The following WDR72 variants were observed in gnomAD, a reference collection of about 807,000 sequenced individuals.
The protein encoded by WDR72 is WD repeat domain 72.
In WDR72, 120 loss-of-function variants were observed where a neutral mutation model predicts 124.2. The ratio of observed to expected loss-of-function variants is 0.97; its 90% CI spans 0.83 to 1.12. The LOEUF is 1.12. Ranked by LOEUF, WDR72 falls within the 50% of genes most tolerant of loss-of-function variation. The pLI is 0.00. For missense variants in WDR72, 1,387 were observed against 1,278.8 expected (o/e 1.08, Z -1.29); for synonymous variants, 452 against 441.7 (o/e 1.02, Z -0.29).
intron 18 of WDR72, among the ~76,000 whole-genome samples, chr15:53,524,132 T>C (rs1430050996): frequency 6.6e-6 from 1 of 152,018 alleles, no homozygotes; most frequent in Non-Finnish European, 1.5e-5. Context: ...TCAGAAAAAG[T>C]GGGCCTTGTC....
intron 13 of WDR72, among the ~76,000 whole-genome samples, chr15:53,692,636 G>T (rs2016880179): frequency 6.6e-6 from 1 of 152,138 alleles, no homozygotes; most frequent in Admixed American, 6.5e-5. Context: ...TGACAATTGT[G>T]TAAATATTTC....
At chr15:53,667,643 T>C (rs1172496392) in intron 13 of WDR72, among the ~76,000 whole-genome samples, 1 of 152,118 alleles carries the variant, frequency 6.6e-6, no homozygotes, top group South Asian at 2.1e-4. Flanking sequence ...TGTGGTAAAA[T>C]TCACTGTCTT....
chr15:53,639,507 TA>T (rs1174309368), intron 14 of WDR72, among the ~76,000 whole-genome samples: 24 of 145,432 alleles, frequency 1.7e-4, no homozygotes, highest in African/African-American at 2.0e-4. Context: ...TTTATAAAAT[TA>T]TATATAATTT....
At chr15:53,673,953 T>A (rs1348271571) in intron 13 of WDR72, among the ~76,000 whole-genome samples, 5 of 151,900 alleles carry the variant, frequency 3.3e-5, no homozygotes, top group African/African-American at 7.3e-5. Context: ...ATCGCGCCAT[T>A]GCACTCCAGC....
At chr15:53,739,845 G>A (rs532681985) in intron 1 of WDR72, among the ~76,000 whole-genome samples, 1 of 152,240 alleles carries the variant, frequency 6.6e-6, no homozygotes, top group East Asian at 1.9e-4. Flanking sequence ...AAAGGAAACT[G>A]GGCATTTTTT....
At chr15:53,556,437 A>G (rs1893935416) in intron 18 of WDR72, among the ~76,000 whole-genome samples, 1 of 152,054 alleles carries the variant, frequency 6.6e-6, no homozygotes, top group Non-Finnish European at 1.5e-5. Context: ...CAGACTGCCT[A>G]TAGTAGGGTC....
In WDR72 at chr15:53,557,659, G is replaced by A. The variant is rs185327567; in HGVS notation, c.3149-34337C>T. Among the ~76,000 whole-genome samples the A allele has an allele frequency of 2.8e-4, 43 of 151,916 alleles. 1 individual carries two copies. The highest frequency in any genetic ancestry group is 9.4e-4 in the African/African-American group (39 of 41,448). ...GGCTGAGGTCAAGAGAGATCAGCCC[G>A]TGAGCCTGGAAAAGTGACCACCGAC... On this transcript the variant is annotated intron_variant, in intron 18 of 19. Coordinates refer to ENST00000360509, the MANE Select transcript of WDR72 (RefSeq NM_182758.4).
At chr15:53,610,001 T>C (rs770426441) in intron 16 of WDR72, among the ~76,000 whole-genome samples, 20 of 152,154 alleles carry the variant, frequency 1.3e-4, no homozygotes, top group Non-Finnish European at 1.2e-4. Flanking sequence ...TCCTTCCTTA[T>C]ACAAATTCTG....
rs76633570 is a variant in WDR72 at position 53,612,310 on chromosome 15, T to C, written c.2872+1356A>G. On this transcript the variant is annotated intron_variant, in intron 16 of 19. Transcript: ENST00000360509. ...AACTTCTATGGAGCTTACAACTTAG[T>C]AGCAGGAGGCAGATGAGATTTTTTA... Among the ~76,000 whole-genome samples, 399 of 152,228 alleles carry C rather than the reference T, an allele frequency of 2.6e-3. 6 individuals are homozygous for C. The highest frequency in any genetic ancestry group is 9.1e-3 in the African/African-American group (380 of 41,548).
chr15:53,592,217 T>C (rs1023195514), intron 18 of WDR72, among the ~76,000 whole-genome samples: 5 of 152,062 alleles, frequency 3.3e-5, no homozygotes, highest in African/African-American at 1.2e-4. Context: ...ATTACTTCTC[T>C]GCTCCTTGAT....
At chr15:53,660,605 T>C (rs186657246) in intron 14 of WDR72, among the ~76,000 whole-genome samples, 59 of 152,278 alleles carry the variant, frequency 3.9e-4, no homozygotes, top group Non-Finnish European at 6.0e-4. Context: ...TAACCATATG[T>C]CTAGAAAGCT....
chr15:53,577,974 C>T (rs575040880), intron 18 of WDR72, among the ~76,000 whole-genome samples: 1 of 152,266 alleles, frequency 6.6e-6, no homozygotes, highest in South Asian at 2.1e-4. Flanking sequence ...CTATCCATAT[C>T]ATAGATTTCA....
intron 4 of WDR72, 53 bp from the exon 5 acceptor site, chr15:53,715,420 A>G (rs991625107): frequency 6.2e-7 from 1 of 1,602,496 alleles, no homozygotes; most frequent in African/African-American, 1.3e-5. Context: ...AATTAACATA[A>G]TTTGGCTACA....
At chr15:53,559,933 T>C (rs1894069683) in intron 18 of WDR72, among the ~76,000 whole-genome samples, 2 of 151,962 alleles carry the variant, frequency 1.3e-5, no homozygotes, top group Admixed American at 1.3e-4. Context: ...GCCTATTGGA[T>C]AATCATTAGA....
At chr15:53,594,046 T>G (rs1395428131) in intron 18 of WDR72, among the ~76,000 whole-genome samples, 1 of 151,774 alleles carries the variant, frequency 6.6e-6, no homozygotes, top group Non-Finnish European at 1.5e-5. Flanking sequence ...GGTCTTAGGG[T>G]TCATGTGGAT....
chr15:53,692,821 G>C (rs1320701304), intron 13 of WDR72, among the ~76,000 whole-genome samples: 3 of 152,178 alleles, frequency 2.0e-5, no homozygotes, highest in South Asian at 2.1e-4. Flanking sequence ...AATATATGTC[G>C]AGTAATAACA....
intron 18 of WDR72, among the ~76,000 whole-genome samples, chr15:53,537,920 G>A (rs1451162836): frequency 6.6e-6 from 1 of 152,002 alleles, no homozygotes; most frequent in Admixed American, 6.6e-5. Flanking sequence ...TATTTTACCA[G>A]TTTAAAGAGG....
intron 18 of WDR72, among the ~76,000 whole-genome samples, chr15:53,579,773 A>G (rs867405982): frequency 1.3e-5 from 2 of 152,092 alleles, no homozygotes; most frequent in Non-Finnish European, 2.9e-5. Context: ...TACCACTCAT[A>G]TGCCAAGTAC....
intron 3 of WDR72, among the ~76,000 whole-genome samples, chr15:53,721,839 C>G (rs2017883878): frequency 6.6e-6 from 1 of 151,974 alleles, no homozygotes; most frequent in African/African-American, 2.4e-5. Context: ...AATAACTCAT[C>G]AGGAGCCTAG....
Sources: allele counts gnomAD v4.1 joint callset (sites outside exome capture counted in the v4.1 genomes callset), GRCh38; gene constraint gnomAD v4.1.1; transcripts MANE v1.5; gene names NCBI Gene and HGNC (gene_info 2026-07-23, HGNC 2026-07-21).